The following GATAD2B variants were observed in gnomAD, a reference collection of about 807,000 sequenced individuals.
The protein encoded by GATAD2B is transcriptional repressor p66-beta.
In GATAD2B, 8 loss-of-function variants were observed where a neutral mutation model predicts 64.3. That is an observed-to-expected ratio of 0.12 (90% CI 0.07 to 0.22). The LOEUF is 0.22. Ranked by LOEUF, GATAD2B falls within the 10% of genes least tolerant of loss-of-function variation. The pLI is 1.00. For missense variants in GATAD2B, 453 were observed against 752.0 expected (o/e 0.60, Z 4.65); for synonymous variants, 281 against 271.3 (o/e 1.04, Z -0.35).
intron 1 of GATAD2B, among the ~76,000 whole-genome samples, chr1:153,859,907 CTTTTTTTTTTTTTTTTTTTTTT>C (rs34557576): frequency 6.2e-4 from 38 of 60,894 alleles, no homozygotes; most frequent in African/African-American, 2.6e-3. Context: ...CTTTTCTTTT[CTTTTTTTTTTTTTTTTTTTTTT>C]TTTTTTGAGA....
intron 1 of GATAD2B, among the ~76,000 whole-genome samples, chr1:153,887,960 A>ACCTGTAATCC (rs904132656): frequency 6.6e-6 from 1 of 151,894 alleles, no homozygotes; most frequent in African/African-American, 2.4e-5. Flanking sequence ...GGTGGCAGGC[A>ACCTGTAATCC]CCTGTAATCC....
At chr1:153,894,111 A>G (rs1677506479) in intron 1 of GATAD2B, among the ~76,000 whole-genome samples, 1 of 152,170 alleles carries the variant, frequency 6.6e-6, no homozygotes, top group Admixed American at 6.6e-5. Flanking sequence ...ATACTACCAG[A>G]GGAAGTCAGA....
intron 1 of GATAD2B, among the ~76,000 whole-genome samples, chr1:153,861,809 T>TATATACACACAC (rs1294838675): frequency 8.2e-6 from 1 of 122,188 alleles, no homozygotes; most frequent in African/African-American, 3.0e-5. Flanking sequence ...TATATATATA[T>TATATACACACAC]ACACATATGT....
intron 1 of GATAD2B, among the ~76,000 whole-genome samples, chr1:153,865,019 G>A (rs1000574125): frequency 1.3e-5 from 2 of 152,062 alleles, no homozygotes; most frequent in African/African-American, 2.4e-5. Context: ...GCGGTAAGCC[G>A]AGATCCCGCC....
chr1:153,867,577 C>T (rs1277403343), intron 1 of GATAD2B, among the ~76,000 whole-genome samples: 3 of 151,972 alleles, frequency 2.0e-5, no homozygotes, highest in Non-Finnish European at 4.4e-5. Flanking sequence ...CATAAGAGGC[C>T]AGGCGCGGTG....
intron 1 of GATAD2B, among the ~76,000 whole-genome samples, chr1:153,884,397 C>A (rs12409811): frequency 1.3e-5 from 2 of 151,740 alleles, no homozygotes; most frequent in Non-Finnish European, 2.9e-5. Context: ...GAGCTGAGAT[C>A]GCTCCACTGC....
chr1:153,871,228 G>A (rs532720409), intron 1 of GATAD2B, among the ~76,000 whole-genome samples: 4 of 152,134 alleles, frequency 2.6e-5, no homozygotes, highest in Non-Finnish European at 4.4e-5. Context: ...CACCATGCCC[G>A]GCTAATTTTT....
chr1:153,827,362 T>G (rs1343538139), intron 2 of GATAD2B, among the ~76,000 whole-genome samples: 1 of 151,946 alleles, frequency 6.6e-6, no homozygotes, highest in Admixed American at 6.6e-5. Context: ...CATTGGCCAG[T>G]TCCAGGTACC....
intron 1 of GATAD2B, among the ~76,000 whole-genome samples, chr1:153,909,783 C>CAAA (rs35951173): frequency 2.2e-5 from 3 of 133,536 alleles, no homozygotes; most frequent in Non-Finnish European, 3.2e-5. Flanking sequence ...ACTAAAAATA[C>CAAA]AAAAAAAAAA....
intron 2 of GATAD2B, among the ~76,000 whole-genome samples, chr1:153,823,811 A>T (rs1279159509): frequency 6.7e-6 from 1 of 150,056 alleles, no homozygotes; most frequent in East Asian, 2.0e-4. Context: ...GCTCACTACA[A>T]CTCTACCTCC....
At chr1:153,862,538 G>GA (rs1676343324) in intron 1 of GATAD2B, among the ~76,000 whole-genome samples, 1 of 152,096 alleles carries the variant, frequency 6.6e-6, no homozygotes, top group Non-Finnish European at 1.5e-5. Context: ...GCTTGTAGAA[G>GA]AAACTAGCTT....
chr1:153,875,167 C>T (rs1676785945), intron 1 of GATAD2B, among the ~76,000 whole-genome samples: 1 of 152,106 alleles, frequency 6.6e-6, no homozygotes, highest in Non-Finnish European at 1.5e-5. Context: ...TGTAAGCCAC[C>T]ACGCCCAGCC....
chr1:153,883,522 G>T (rs868237266), intron 1 of GATAD2B, among the ~76,000 whole-genome samples: 3 of 152,118 alleles, frequency 2.0e-5, no homozygotes, highest in Admixed American at 2.0e-4. Flanking sequence ...GATAAATGTC[G>T]CAAGCAAAAT....
chr1:153,853,509 A>C (rs1034054599), intron 1 of GATAD2B: 1 of 336,908 alleles, frequency 3.0e-6, no homozygotes, highest in Non-Finnish European at 5.5e-6. Flanking sequence ...AGTTCCTTAC[A>C]TATGTTGGAG....
chr1:153,888,016 G>A (rs895313392), intron 1 of GATAD2B, among the ~76,000 whole-genome samples: 1 of 151,948 alleles, frequency 6.6e-6, no homozygotes, highest in African/African-American at 2.4e-5. Flanking sequence ...GAACCTGGGA[G>A]GCGGAGGTTG....
At chr1:153,875,299 A>G (rs1358901609) in intron 1 of GATAD2B, among the ~76,000 whole-genome samples, 1 of 152,116 alleles carries the variant, frequency 6.6e-6, no homozygotes, top group East Asian at 1.9e-4. Flanking sequence ...CTGGGCCACA[A>G]TGGAAGAACT....
At chr1:153,821,041 G>A (rs1273377241) in intron 2 of GATAD2B, among the ~76,000 whole-genome samples, 1 of 138,186 alleles carries the variant, frequency 7.2e-6, no homozygotes, top group Non-Finnish European at 1.5e-5. Context: ...CCAGGCTGGA[G>A]TGTAGTGGTG....
chr1:153,869,080 G>A (rs1200202301), intron 1 of GATAD2B, among the ~76,000 whole-genome samples: 1 of 152,032 alleles, frequency 6.6e-6, no homozygotes, highest in Non-Finnish European at 1.5e-5. Context: ...ATCACCTGAG[G>A]TCAAGAGTTC....
chr1:153,858,915 G>C (rs966006307), intron 1 of GATAD2B, among the ~76,000 whole-genome samples: 28 of 152,052 alleles, frequency 1.8e-4, no homozygotes, highest in African/African-American at 6.8e-4. Context: ...TAACATTTGA[G>C]CAAGTCCTGA....
Sources: allele counts gnomAD v4.1 joint callset (sites outside exome capture counted in the v4.1 genomes callset), GRCh38; gene constraint gnomAD v4.1.1; transcripts MANE v1.5; gene names NCBI Gene and HGNC (gene_info 2026-07-23, HGNC 2026-07-21).